NF2: variants seen among roughly 807,000 people sequenced by gnomAD.
The protein encoded by NF2 is NF2, moesin-ezrin-radixin like (MERLIN) tumor suppressor.
A neutral mutation model predicts 83.7 loss-of-function variants in NF2; 8 were observed. The ratio of observed to expected loss-of-function variants is 0.10; its 90% CI spans 0.06 to 0.17. The LOEUF (loss-of-function observed/expected upper bound fraction) is 0.17. Ranked by LOEUF, NF2 falls within the 10% of genes least tolerant of loss-of-function variation. The pLI, the probability that NF2 is intolerant of heterozygous loss-of-function variation, is 1.00. For missense variants in NF2, 533 were observed against 744.4 expected, an observed-to-expected ratio of 0.72 and a Z score of 3.31; for synonymous variants, 266 against 269.6, an observed-to-expected ratio of 0.99 and a Z score of 0.13.
chr22:29,652,764 T>G (rs1200785133), intron 4 of NF2, among the ~76,000 whole-genome samples: 1 of 152,184 alleles, frequency 6.6e-6, no homozygotes, highest in Non-Finnish European at 1.5e-5. Flanking sequence ...GGATAAAACC[T>G]TAGGCAGCCT....
In NF2 at chr22:29,674,428, G is replaced by A. The variant is rs1010983761; in HGVS notation, c.1341-408G>A. Among the ~76,000 whole-genome samples the A allele has an allele frequency of 5.3e-5, 8 of 152,212 alleles. 1 individual carries two copies. Among genetic ancestry groups the A allele is most frequent in the South Asian group, 4.1e-4 (2 of 4,834 alleles). On this transcript the variant is annotated intron_variant, in intron 12 of 15. Coordinates refer to ENST00000338641, the MANE Select transcript of NF2 (RefSeq NM_000268.4). ...TGTTTTATCCGGGGGCTGTGAAGAC[G>A]CAGTTCTTGCACATTCTGCCCTTTG...
At chr22:29,674,341 C>G (rs984426573) in intron 12 of NF2, among the ~76,000 whole-genome samples, 5 of 152,160 alleles carry the variant, frequency 3.3e-5, no homozygotes, top group African/African-American at 1.2e-4. Context: ...CACCAGGGTG[C>G]GGGTGCCCTC....
intron 15 of NF2, chr22:29,683,562 C>T (rs2067202630): frequency 2.7e-6 from 3 of 1,108,826 alleles, no homozygotes; most frequent in Non-Finnish European, 3.3e-6. Flanking sequence ...TGTGCTGGCT[C>T]ATTTTCCTTT....
At chr22:29,659,695 G>A (rs1236110276) in intron 7 of NF2, among the ~76,000 whole-genome samples, 1 of 152,122 alleles carries the variant, frequency 6.6e-6, no homozygotes, top group Non-Finnish European at 1.5e-5. Flanking sequence ...AGGAGTGTTG[G>A]AGTCATAATG....
intron 1 of NF2, among the ~76,000 whole-genome samples, chr22:29,616,633 T>G (rs2065087603): frequency 6.6e-6 from 1 of 151,652 alleles, no homozygotes; most frequent in African/African-American, 2.4e-5. Flanking sequence ...TCCCAGCTAC[T>G]CGGGAGGCTG....
At chr22:29,661,427 T>G in intron 8 of NF2, 88 bp downstream of exon 8, 1 of 1,564,500 alleles carries the variant, frequency 6.4e-7, no homozygotes, top group Non-Finnish European at 8.7e-7. Context: ...GGGCATCTCC[T>G]TGTTATTCAT....
At chr22:29,668,513 G>GT (rs2066693811) in intron 10 of NF2, 67 bp downstream of exon 10, 2 of 1,201,996 alleles carry the variant, frequency 1.7e-6, no homozygotes, top group East Asian at 4.7e-5. Flanking sequence ...GAGGCGAGGA[G>GT]TGGTCATGGG....
At chr22:29,670,503 TTGTGTGTG>T (rs131255) in intron 10 of NF2, among the ~76,000 whole-genome samples, 71 of 146,320 alleles carry the variant, frequency 4.9e-4, no homozygotes, top group South Asian at 1.8e-3. Context: ...CTTTTTGAGC[TTGTGTGTG>T]TGTGTGTGTG....
intron 6 of NF2, 62 bp from the exon 7 acceptor site, chr22:29,658,127 C>CCCACCCGCTCT (rs2066368102): frequency 6.7e-7 from 1 of 1,497,166 alleles, no homozygotes; most frequent in African/African-American, 1.4e-5. Flanking sequence ...TGATTTGGTG[C>CCCACCCGCTCT]CCACCCGCTC....
intron 15 of NF2, chr22:29,683,645 T>A (rs2067204761): frequency 9.2e-7 from 1 of 1,086,102 alleles, no homozygotes; most frequent in African/African-American, 1.6e-5. Context: ...GTCTGATATG[T>A]GAGTCCACGG....
intron 15 of NF2, chr22:29,683,427 G>C: frequency 7.9e-7 from 1 of 1,262,394 alleles, no homozygotes; most frequent in South Asian, 1.8e-5. Flanking sequence ...ATGGAAATGG[G>C]GTCAATCTGG....
intron 4 of NF2, among the ~76,000 whole-genome samples, chr22:29,644,763 A>T (rs1277130876): frequency 6.6e-6 from 1 of 152,266 alleles, no homozygotes. Context: ...CACCAAAAAA[A>T]TACGAAAACC....
At position 29,655,728 on chromosome 22, in the gene NF2, T is replaced by C. The variant is rs1295211502; in HGVS notation, c.599+52T>C. On this transcript the variant is annotated intron_variant, in intron 6 of 15. Transcript: ENST00000338641. ...ATTCCTTTATGGGCTTTTTTTTTTT[T>C]TTTTGCCTTAAAGAACTGCAAAACT... 4.8e-6 allele frequency: 7 copies of C among 1,469,550 alleles called. No individual in the cohort carries two copies. In the South Asian group the frequency reaches 8.3e-5, roughly 17 times the overall value. 91.0% of individuals were successfully genotyped at this position (1,469,550 alleles called of 1,614,324 possible). A position where few individuals can be genotyped will look rare whatever the true frequency, so the allele number is the denominator to read the frequency against.
intron 9 of NF2, among the ~76,000 whole-genome samples, chr22:29,665,348 A>G (rs2066592019): frequency 6.6e-6 from 1 of 151,236 alleles, no homozygotes; most frequent in African/African-American, 2.4e-5. Context: ...GATTCAAGAG[A>G]TTCTCCTGGC....
chr22:29,649,968 C>A (rs377601229), intron 4 of NF2, among the ~76,000 whole-genome samples: 4 of 152,044 alleles, frequency 2.6e-5, no homozygotes, highest in African/African-American at 9.6e-5. Context: ...CATTGCACAC[C>A]GTATCAAAAC....
chr22:29,651,270 G>T (rs1377064527), intron 4 of NF2, among the ~76,000 whole-genome samples: 1 of 152,100 alleles, frequency 6.6e-6, no homozygotes, highest in Non-Finnish European at 1.5e-5. Flanking sequence ...TAGAGCCTCC[G>T]TTTAACCTAA....
chr22:29,633,194 T>TA (rs1410015522), intron 1 of NF2, among the ~76,000 whole-genome samples: 1 of 152,236 alleles, frequency 6.6e-6, no homozygotes, highest in Non-Finnish European at 1.5e-5. Flanking sequence ...TTTTATTTTA[T>TA]AAGTGGAATT....
At chr22:29,686,622 A>G (rs2067276593) in intron 15 of NF2, among the ~76,000 whole-genome samples, 1 of 152,232 alleles carries the variant, frequency 6.6e-6, no homozygotes, top group African/African-American at 2.4e-5. Flanking sequence ...CTGGGCAACA[A>G]GAGCAAGATT....
chr22:29,624,851 TTCTTTCTTTCTTTCTTTC>T (rs2065314658), intron 1 of NF2, among the ~76,000 whole-genome samples: 4 of 142,380 alleles, frequency 2.8e-5, no homozygotes, highest in Admixed American at 6.9e-5. Flanking sequence ...CTTTCTTTCT[TTCTTTCTTTCTTTCTTTC>T]TCTTTCTCTC....
Sources: allele counts gnomAD v4.1 joint callset (sites outside exome capture counted in the v4.1 genomes callset), GRCh38; gene constraint gnomAD v4.1.1; transcripts MANE v1.5; gene names NCBI Gene and HGNC (gene_info 2026-07-23, HGNC 2026-07-21).